Variants in COL5A1 observed in about 807,000 individuals in gnomAD.
COL5A1 encodes the protein collagen alpha-1(V) chain.
COL5A1 carries 16 observed loss-of-function variants against 263.7 expected under a neutral mutation model. The observed-to-expected ratio is 0.06, with a 90% CI of 0.04 to 0.09. COL5A1 has a LOEUF of 0.09. Among genes scored for constraint, COL5A1 ranks in the 10% least tolerant of loss-of-function variants. The pLI is 1.00. For missense variants in COL5A1, 2,036 were observed against 2,540.5 expected (o/e 0.80, Z 4.27); for synonymous variants, 1,012 against 1,004.5 (o/e 1.01, Z -0.14).
intron 62 of COL5A1, among the ~76,000 whole-genome samples, chr9:134,825,566 T>G (rs1839231815): frequency 6.6e-6 from 1 of 152,134 alleles, no homozygotes; most frequent in Non-Finnish European, 1.5e-5. Context: ...CCCAGTTGCT[T>G]CATGCACCAG....
At position 134,697,000 on chromosome 9, in the gene COL5A1, G is replaced by A. The variant is rs1833500048; in HGVS notation, c.278-2909G>A. 6.6e-6 allele frequency among the ~76,000 whole-genome samples: 1 copy of A among 152,052 alleles called. No homozygotes were observed. The highest frequency in any genetic ancestry group is 6.6e-5 in the Admixed American group (1 of 15,264). The stretch of plus-strand genomic sequence containing the variant: ...GCAGGAGAATGGCGTGAACCCGGGA[G>A]GCGGAGCTTGCAGTGAGCTGAGATC... On this transcript the variant is annotated intron_variant, in intron 2 of 65. Transcript: ENST00000371817. This position sits in a 1 kb window ranked among gnomAD's most constrained non-coding sequence, Gnocchi z 4.3.
chr9:134,804,926 G>A (rs1396454235), intron 39 of COL5A1, 49 bp from the exon 40 acceptor site: 12 of 1,522,312 alleles, frequency 7.9e-6, no homozygotes, highest in South Asian at 1.1e-5. Flanking sequence ...GCTGGTGAGA[G>A]GTCTGCGTCA....
rs758650140 is a variant in COL5A1 at position 134,818,744 on chromosome 9, G to A, written c.4319G>A (p.Arg1440Gln). 46 of 1,612,020 alleles carry A rather than the reference G, an allele frequency of 2.9e-5. No homozygotes were observed. Among genetic ancestry groups the A allele is most frequent in the Non-Finnish European group, 3.6e-5 (43 of 1,179,544 alleles). The change falls in exon 55 of 66, where the codon CGA (arginine) becomes CAA (glutamine). Residue 1440 changes from arginine to glutamine, a missense_variant. This residue lies in a region of COL5A1 where 1,078 missense variants were observed against 1,521.4 expected (regional missense o/e 0.71). Coordinates refer to ENST00000371817, the MANE Select transcript of COL5A1 (RefSeq NM_000093.5). The surrounding 1 kb of genome is among the most constrained non-coding windows in gnomAD (Gnocchi z 6.0). ...APGKPGPDGL[R>Q]GIPGPVGEQG... ...GGGAAGCCCGGACCGGATGGCCTTC[G>A]AGGGATCCCTGGCCCTGTGGTGAGT...
rs553283418 is a variant in COL5A1 at position 134,712,882 on chromosome 9, C to T, written c.654+11549C>T. Reference sequence around the variant, plus strand: ...CCCCTGGACGCCTTTTTCCAGGTGCCCCCAGCCCATACCCATCCTGGCTCT... The same window carrying T: ...CCCCTGGACGCCTTTTTCCAGGTGCTCCCAGCCCATACCCATCCTGGCTCT... On this transcript the variant is annotated intron_variant, in intron 4 of 65. Coordinates refer to ENST00000371817, the MANE Select transcript of COL5A1 (RefSeq NM_000093.5). Among the ~76,000 whole-genome samples, 7 of 152,028 alleles carry T rather than the reference C, an allele frequency of 4.6e-5. No homozygotes were observed. In the East Asian group the frequency reaches 1.2e-3, roughly 26 times the overall value.
Position 134,827,351 on chromosome 9 carries a change from GCAGGGGTCCCCTCCC to G in COL5A1, c.5067+1449_5067+1463del, listed in dbSNP as rs562349617. Among the ~76,000 whole-genome samples the G allele has an allele frequency of 1.2e-3, 186 of 152,304 alleles. 6 individuals are homozygous for G. In the South Asian group the frequency reaches 0.03, roughly 25 times the overall value. On this transcript the variant is annotated intron_variant, in intron 63 of 65. Coordinates refer to ENST00000371817, the MANE Select transcript of COL5A1 (RefSeq NM_000093.5). Reference sequence around the variant, plus strand: ...GCTGGAGATCTGTGGGGCTCCAAGTGCAGGGGTCCCCTCCCCCACCTGAAGTTTTAACTCCTTGAG... The same window carrying G: ...GCTGGAGATCTGTGGGGCTCCAAGTGCCACCTGAAGTTTTAACTCCTTGAG...
At chr9:134,746,178 G>A (rs533666588) in intron 11 of COL5A1, among the ~76,000 whole-genome samples, 1 of 152,342 alleles carries the variant, frequency 6.6e-6, no homozygotes, top group South Asian at 2.1e-4. Context: ...CCAGCAGGAA[G>A]TGACCACTGA....
chr9:134,827,575 A>G (rs1360151760), intron 63 of COL5A1, among the ~76,000 whole-genome samples: 1 of 152,158 alleles, frequency 6.6e-6, no homozygotes, highest in Non-Finnish European at 1.5e-5. Context: ...TGTGGAAATC[A>G]CGGGCCAGAC....
chr9:134,731,598 C>A lies in COL5A1; in HGVS notation c.1267C>A (p.Pro423Thr), dbSNP rs1182477785. The change falls in exon 8 of 66, where the codon CCC becomes ACC. Residue 423 changes from proline to threonine, a missense_variant. By Grantham distance (38) the Pro-to-Thr change is conservative (BLOSUM62 -1). Transcript: ENST00000371817. ...GAACTACTACGACCCCTACTACGACCCCACCAGCTCCCCGTCGGAGATCGG... is the reference window on the plus strand; with the variant it reads ...GAACTACTACGACCCCTACTACGACACCACCAGCTCCCCGTCGGAGATCGG... The part of the protein sequence containing the change: ...DENYYDPYYD[P>T]TSSPSEIGPG... 1 of 1,614,084 alleles carries A rather than the reference C, an allele frequency of 6.2e-7. No homozygotes were observed. The highest frequency in any genetic ancestry group is 1.3e-5 in the African/African-American group (1 of 74,936).
Position 134,818,902 on chromosome 9 carries a change from G to A in COL5A1, c.4392+1G>A. The A allele has an allele frequency of 6.2e-7, 1 of 1,612,960 alleles. No homozygotes were observed. The highest frequency in any genetic ancestry group is 8.5e-7 in the Non-Finnish European group (1 of 1,179,664). Reference sequence around the variant, plus strand: ...CCCGGACGGTCCCCCCGGCCCCATGGTGAGTCACATTCCTCATGGTGAGCA... The same window carrying A: ...CCCGGACGGTCCCCCCGGCCCCATGATGAGTCACATTCCTCATGGTGAGCA... On this transcript the variant is annotated splice_donor_variant, in intron 56 of 65. Coordinates refer to ENST00000371817, the MANE Select transcript of COL5A1 (RefSeq NM_000093.5). LOFTEE classifies it high-confidence loss of function. This position sits in a 1 kb window ranked among gnomAD's most constrained non-coding sequence, Gnocchi z 6.0.
Position 134,754,305 on chromosome 9 carries a change from G to T in COL5A1, c.1806G>T (p.Pro602=). 1.2e-6 allele frequency: 2 copies of T among 1,614,052 alleles called. No homozygotes were observed. The highest frequency in any genetic ancestry group is 1.7e-6 in the Non-Finnish European group (2 of 1,180,044). The change falls in exon 16 of 66, where the codon CCG becomes CCT. Residue 602 remains proline, a synonymous_variant. Transcript: ENST00000371817. This position sits in a 1 kb window ranked among gnomAD's most constrained non-coding sequence, Gnocchi z 4.3. ...GAGGTGTGCAAGGCCCGCCTGGTCC[G>T]GCCGGGAAGCCCGGAAGACGGGTGA... ...GPRGVQGPPG[P]AGKPGRRGRA... is the part of the protein sequence containing the mutation.
At chr9:134,783,615 T>C (rs1837342805) in intron 29 of COL5A1, among the ~76,000 whole-genome samples, 1 of 152,260 alleles carries the variant, frequency 6.6e-6, no homozygotes, top group East Asian at 1.9e-4. Flanking sequence ...AGCAGGGCTG[T>C]CACCCAGCTG....
chr9:134,835,758 C>T (rs1220566921), intron 65 of COL5A1, among the ~76,000 whole-genome samples: 15 of 152,188 alleles, frequency 9.9e-5, no homozygotes, highest in Admixed American at 9.8e-4. Context: ...CACGGGCAGT[C>T]AGGGCTGGTA....
intron 60 of COL5A1, 40 bp from the exon 61 acceptor site, chr9:134,823,376 A>C (rs772814511): frequency 1.2e-6 from 2 of 1,611,148 alleles, no homozygotes; most frequent in Non-Finnish European, 8.5e-7. Flanking sequence ...GTCCCCTCAT[A>C]CCTCTGTGAC....
intron 39 of COL5A1, among the ~76,000 whole-genome samples, chr9:134,803,735 C>T (rs903023597): frequency 1.3e-5 from 2 of 151,368 alleles, no homozygotes; most frequent in Non-Finnish European, 2.9e-5. Flanking sequence ...CCCAGCTACT[C>T]GGGAGGCTGA....
chr9:134,824,968 A>C, intron 62 of COL5A1, 113 bp downstream of exon 62: 1 of 1,397,216 alleles, frequency 7.2e-7, no homozygotes, highest in East Asian at 2.5e-5. Flanking sequence ...CAGGACGGGC[A>C]GCCGCAGCCT....
chr9:134,833,241 T>C (rs1268323062), intron 64 of COL5A1, among the ~76,000 whole-genome samples: 2 of 152,040 alleles, frequency 1.3e-5, no homozygotes, highest in Non-Finnish European at 2.9e-5. Flanking sequence ...AAGTGTCAGG[T>C]TTTTCAGAAA....
At chr9:134,766,140 A>G (rs375043290) in intron 21 of COL5A1, among the ~76,000 whole-genome samples, 1 of 152,146 alleles carries the variant, frequency 6.6e-6, no homozygotes, top group Non-Finnish European at 1.5e-5. Flanking sequence ...CCCGGTGGGC[A>G]GCTCCCCCAG....
Position 134,795,157 on chromosome 9 carries a change from T to TG in COL5A1, c.2745+34dup, listed in dbSNP as rs769135673. The TG allele has an allele frequency of 1.3e-5, 21 of 1,613,774 alleles. No individual in the cohort carries two copies. In the African/African-American group the frequency reaches 2.4e-4, roughly 18 times the overall value. On this transcript the variant is annotated intron_variant, in intron 33 of 65. Coordinates refer to ENST00000371817, the MANE Select transcript of COL5A1 (RefSeq NM_000093.5). Reference sequence around the variant, plus strand: ...CACCCTTTCAGCTTGTGGGCATGTTTGGGAAACGGGAGCATGGTTTAGGGA... The same window carrying TG: ...CACCCTTTCAGCTTGTGGGCATGTTTGGGGAAACGGGAGCATGGTTTAGGGA...
chr9:134,790,137 C>G (rs562367488), intron 32 of COL5A1, among the ~76,000 whole-genome samples: 2 of 152,338 alleles, frequency 1.3e-5, no homozygotes, highest in African/African-American at 4.8e-5. Context: ...GTTGCAGCTC[C>G]CTCTTGGGCC....
Sources: allele counts gnomAD v4.1 joint callset (sites outside exome capture counted in the v4.1 genomes callset), GRCh38; gene constraint gnomAD v4.1.1; regional missense constraint gnomAD v4.1.1; non-coding constraint Gnocchi (gnomAD v3.1); transcripts MANE v1.5; gene names NCBI Gene and HGNC (gene_info 2026-07-23, HGNC 2026-07-21).